FREM2: variants seen among roughly 807,000 people sequenced by gnomAD.
The protein encoded by FREM2 is FRAS1 related extracellular matrix 2, also known as FRAS1-related extracellular matrix protein 2.
FREM2 carries 119 observed loss-of-function variants against 219.9 expected under a neutral mutation model. That is an observed-to-expected ratio of 0.54 (90% CI 0.47 to 0.63). The LOEUF is 0.63. Among genes scored for constraint, FREM2 ranks in the 30% least tolerant of loss-of-function variants. FREM2 has a pLI of 0.00. For synonymous variants in FREM2, 1,562 were observed against 1,522.8 expected (o/e 1.03, Z -0.60); for missense variants, 4,030 against 3,993.6 (o/e 1.01, Z -0.25).
intron 16 of FREM2, among the ~76,000 whole-genome samples, chr13:38,870,633 A>G (rs1175696405): frequency 6.6e-6 from 1 of 152,190 alleles, no homozygotes; most frequent in Non-Finnish European, 1.5e-5. Context: ...CAGTTCCTCC[A>G]GGTAGAGATT....
At chr13:38,738,430 G>A (rs1872087003) in intron 2 of FREM2, among the ~76,000 whole-genome samples, 1 of 151,942 alleles carries the variant, frequency 6.6e-6, no homozygotes. Context: ...GCCAGGCGTG[G>A]TGGCACATGC....
chr13:38,784,433 A>C lies in FREM2; in HGVS notation c.5768-124A>C, dbSNP rs945420603. ...TAGAACAGTACGTAGTTGCTATTGCAGTTCTAGGGGTGTTCATGTCTACTA... is the reference window on the plus strand; with the variant it reads ...TAGAACAGTACGTAGTTGCTATTGCCGTTCTAGGGGTGTTCATGTCTACTA... On this transcript the variant is annotated intron_variant, in intron 5 of 23. Transcript: ENST00000280481. The C allele has an allele frequency of 4.1e-6, 4 of 985,802 alleles. No homozygotes were observed. The African/African-American group carries it at 6.4e-5, about 16-fold the overall frequency. 61.1% of individuals were successfully genotyped at this position (985,802 alleles called of 1,614,324 possible).
intron 2 of FREM2, among the ~76,000 whole-genome samples, chr13:38,737,397 A>G (rs1450573266): frequency 1.3e-5 from 2 of 152,212 alleles, no homozygotes; most frequent in African/African-American, 4.8e-5. Flanking sequence ...GAACAAAACA[A>G]TGTTAGCATA....
intron 2 of FREM2, among the ~76,000 whole-genome samples, chr13:38,749,734 C>T (rs368506415): frequency 6.6e-6 from 1 of 152,260 alleles, no homozygotes; most frequent in African/African-American, 2.4e-5. Context: ...CATCGCCAAA[C>T]ATTCCCCAAA....
At chr13:38,741,182 T>G (rs1211064028) in intron 2 of FREM2, among the ~76,000 whole-genome samples, 1 of 152,166 alleles carries the variant, frequency 6.6e-6, no homozygotes, top group Non-Finnish European at 1.5e-5. Context: ...ACGTGTTTCT[T>G]CCACTAAAAC....
chr13:38,717,173 T>A (rs1356097393), intron 2 of FREM2, among the ~76,000 whole-genome samples: 2 of 152,132 alleles, frequency 1.3e-5, no homozygotes, highest in East Asian at 3.9e-4. Context: ...TATTTTGTTT[T>A]AAAATAGGTT....
At chr13:38,873,376 A>G (rs1566174535) in intron 17 of FREM2, among the ~76,000 whole-genome samples, 1 of 152,158 alleles carries the variant, frequency 6.6e-6, no homozygotes, top group Non-Finnish European at 1.5e-5. Context: ...TCTAGTCATG[A>G]CTCTACAACT....
At chr13:38,769,925 C>A (rs765986704) in intron 4 of FREM2, 117 bp downstream of exon 4, 11 of 777,312 alleles carry the variant, frequency 1.4e-5, no homozygotes, top group Admixed American at 8.0e-5. Flanking sequence ...ATAGAGAGAA[C>A]CTTCTAGATT....
chr13:38,751,469 C>T (rs912605411), intron 2 of FREM2, among the ~76,000 whole-genome samples: 9 of 152,134 alleles, frequency 5.9e-5, no homozygotes, highest in African/African-American at 2.2e-4. Context: ...CACACACATG[C>T]TGCACTTGTC....
Position 38,764,422 on chromosome 13 carries a change from A to C in FREM2, c.5382A>C (p.Arg1794Ser). 6.3e-7 allele frequency: 1 copy of C among 1,579,720 alleles called. No individual in the cohort carries two copies. Among genetic ancestry groups the C allele is most frequent in the Non-Finnish European group, 8.6e-7 (1 of 1,156,140 alleles). Residue 1794 changes from arginine to serine, a missense_variant, in exon 3 of 24, where the codon AGA (arginine) becomes AGC (serine). This residue lies in a region of FREM2 where 3,102 missense variants were observed against 2,950.7 expected (regional missense o/e 1.05). Transcript: ENST00000280481. ...SKFLDVVLKR[R>S]GYLGETSFIS... ...TTCTAGATGTTGTTCTTAAACGTAG[A>C]GGTTACTTGGGAGAAACTTCTTTTA...
intron 17 of FREM2, 115 bp from the exon 18 acceptor site, chr13:38,874,367 C>T (rs1878270319): frequency 5.0e-6 from 4 of 798,554 alleles, no homozygotes; most frequent in Non-Finnish European, 8.8e-6. Flanking sequence ...TGATAATACC[C>T]TTTGCCCAGA....
chr13:38,833,011 C>A (rs1480002625), intron 6 of FREM2, among the ~76,000 whole-genome samples: 1 of 151,986 alleles, frequency 6.6e-6, no homozygotes, highest in Non-Finnish European at 1.5e-5. Context: ...TACACTCCAC[C>A]CTGGGTGACA....
chr13:38,833,946 C>T (rs1202987526), intron 6 of FREM2, among the ~76,000 whole-genome samples: 1 of 152,140 alleles, frequency 6.6e-6, no homozygotes, highest in Non-Finnish European at 1.5e-5. Flanking sequence ...GAGCACAGTC[C>T]TCTTTTTGCT....
At position 38,772,022 on chromosome 13, in the gene FREM2, C is replaced by T. The variant is rs1174956611; in HGVS notation, c.5641+2214C>T. ...TTTTCCCTTACAAAGGATCACTTTTCCCCCCATTTAAAAACTTTGTTTCCT... is the reference window on the plus strand; with the variant it reads ...TTTTCCCTTACAAAGGATCACTTTTTCCCCCATTTAAAAACTTTGTTTCCT... On this transcript the variant is annotated intron_variant, in intron 4 of 23. Coordinates refer to ENST00000280481, the MANE Select transcript of FREM2 (RefSeq NM_207361.6). Among the ~76,000 whole-genome samples, 4 of 151,966 alleles carry T rather than the reference C, an allele frequency of 2.6e-5. No individual in the cohort carries two copies. In the East Asian group the frequency reaches 7.7e-4, roughly 29 times the overall value.
At chr13:38,822,572 G>A (rs971120968) in intron 6 of FREM2, among the ~76,000 whole-genome samples, 1 of 151,806 alleles carries the variant, frequency 6.6e-6, no homozygotes, top group Non-Finnish European at 1.5e-5. Context: ...ATAAACTGGT[G>A]GAATGCTGTC....
intron 2 of FREM2, among the ~76,000 whole-genome samples, chr13:38,737,633 A>G (rs1872052263): frequency 6.6e-6 from 1 of 152,222 alleles, no homozygotes; most frequent in Non-Finnish European, 1.5e-5. Flanking sequence ...TCAGTATGTG[A>G]TAGATGAGAC....
chr13:38,779,354 C>T (rs1013466371), intron 4 of FREM2: 2 of 151,822 alleles, frequency 1.3e-5, no homozygotes, highest in African/African-American at 2.4e-5. Flanking sequence ...TGTAACAAAC[C>T]TACACGTTCT....
Position 38,876,235 on chromosome 13 carries a change from C to A in FREM2, c.8410-13C>A, listed in dbSNP as rs766909784. 1.2e-6 allele frequency: 2 copies of A among 1,614,010 alleles called. No homozygotes were observed. Among genetic ancestry groups the A allele is most frequent in the Non-Finnish European group, 1.7e-6 (2 of 1,179,964 alleles). On this transcript the variant is annotated splice_polypyrimidine_tract_variant and intron_variant, in intron 19 of 23. Transcript: ENST00000280481. ...ATTTTTAAATGTAATATATCAATAT[C>A]TTCTCCTCAAAGGTACGTGACTACT...
rs368540322 is a variant in FREM2, at chr13:38,850,901, A to G, written c.6578-43A>G. ...GTGCTCACATTCTAGTTGTAGATAT[A>G]TTCCTATGGGATGTGATTGACCTGC... On this transcript the variant is annotated intron_variant, in intron 9 of 23. Transcript: ENST00000280481. The G allele has an allele frequency of 7.8e-5, 125 of 1,603,114 alleles. No individual in the cohort carries two copies. The African/African-American group carries it at 1.4e-3, about 18-fold the overall frequency.
Sources: gnomAD v4.1 joint callset for allele counts (sites outside exome capture counted in the v4.1 genomes callset) on GRCh38, gnomAD v4.1.1 for gene constraint, gnomAD v4.1.1 regional missense constraint, MANE v1.5 for transcripts, NCBI Gene and HGNC (gene_info 2026-07-23, HGNC 2026-07-21) for gene names.